Variants in ZIM2 observed in about 807,000 individuals in gnomAD.
The protein encoded by ZIM2 is zinc finger protein 656.
A neutral mutation model predicts 38.6 loss-of-function variants in ZIM2; 14 were observed. The observed-to-expected ratio is 0.36, with a 90% CI of 0.24 to 0.57. The LOEUF (loss-of-function observed/expected upper bound fraction) is 0.57, where lower values mean the gene tolerates loss of function less well. Ranked by LOEUF, ZIM2 falls within the 20% of genes least tolerant of loss-of-function variation. The pLI, the probability that ZIM2 is intolerant of heterozygous loss-of-function variation, is 0.81. For missense variants in ZIM2, 680 were observed against 695.1 expected (o/e 0.98, Z 0.24); for synonymous variants, 247 against 245.8 (o/e 1.00, Z -0.04).
intron 9 of ZIM2, among the ~76,000 whole-genome samples, chr19:56,792,323 G>C (rs1404369620): frequency 1.3e-5 from 2 of 151,650 alleles, no homozygotes; most frequent in Non-Finnish European, 2.9e-5. Context: ...ACAAGGTCAG[G>C]AGTTCGAGAC....
chr19:56,818,540 C>G, intron 8 of ZIM2, 60 bp downstream of exon 8: 1 of 1,578,964 alleles, frequency 6.3e-7, no homozygotes, highest in Non-Finnish European at 8.7e-7. Flanking sequence ...TAAAAAGGAG[C>G]AAGATGACAA....
intron 3 of ZIM2, 172 bp from the exon 4 acceptor site, chr19:56,824,599 A>T: frequency 6.2e-7 from 1 of 1,612,950 alleles, no homozygotes; most frequent in Non-Finnish European, 8.5e-7. Flanking sequence ...GCTCATACAG[A>T]TTTGGGGCCC....
intron 3 of ZIM2, chr19:56,824,781 G>A (rs1423343681): frequency 2.1e-6 from 2 of 930,244 alleles, no homozygotes; most frequent in Non-Finnish European, 3.2e-6. Flanking sequence ...CCCAGAAGTT[G>A]AAGACCAGGC....
chr19:56,810,530 ATTTTC>A, intron 9 of ZIM2: 1 of 982,976 alleles, frequency 1.0e-6, no homozygotes, highest in Non-Finnish European at 1.2e-6. Context: ...ATATGTGTGA[ATTTTC>A]TTTACTGAAT....
At chr19:56,778,262 A>C (rs1410536693) in intron 12 of ZIM2, among the ~76,000 whole-genome samples, 1 of 152,254 alleles carries the variant, frequency 6.6e-6, no homozygotes. Flanking sequence ...AGCCTGATAA[A>C]TATCTATGAG....
intron 10 of ZIM2, among the ~76,000 whole-genome samples, chr19:56,788,079 G>C (rs1349874079): frequency 2.7e-5 from 4 of 150,542 alleles, no homozygotes; most frequent in Non-Finnish European, 4.4e-5. Context: ...TTTTTTTGAA[G>C]GGTTTTTTTT....
At chr19:56,835,665 A>G (rs1230105872) in intron 2 of ZIM2, among the ~76,000 whole-genome samples, 2 of 152,208 alleles carry the variant, frequency 1.3e-5, no homozygotes, top group Non-Finnish European at 2.9e-5. Context: ...CCTTTCCCCC[A>G]TTGGGGCTAT....
chr19:56,838,765 C>T (rs2062533832), intron 1 of ZIM2, among the ~76,000 whole-genome samples: 1 of 152,190 alleles, frequency 6.6e-6, no homozygotes, highest in African/African-American at 2.4e-5. Context: ...AACAGCCTGG[C>T]GACCAGCACA....
chr19:56,790,105 A>C (rs750035384), intron 9 of ZIM2, 154 bp from the exon 10 acceptor site: 1 of 485,344 alleles, frequency 2.1e-6, no homozygotes, highest in African/African-American at 2.0e-5. Context: ...TCATTTCTCA[A>C]CTCAAAATAA....
chr19:56,779,616 A>G, intron 11 of ZIM2, 144 bp from the exon 12 acceptor site: 1 of 703,512 alleles, frequency 1.4e-6, no homozygotes, highest in Admixed American at 2.7e-5. Context: ...TTACCCCCTA[A>G]GGGACATCTA....
rs1222895922 is a variant in ZIM2, at chr19:56,816,584, T to G, written c.490+1162A>C. On this transcript the variant is annotated intron_variant, in intron 9 of 12. Coordinates refer to ENST00000629319, the MANE Select transcript of ZIM2 (RefSeq NM_001387356.1). ...TCGTACATTTTCTCTTTACCATACA[T>G]TTTCTGAAACTCATTAAGGGCTGGG... 4 of 1,613,916 alleles carry G rather than the reference T, an allele frequency of 2.5e-6. No homozygotes were observed. The African/African-American group carries it at 5.3e-5, about 22-fold the overall frequency.
intron 9 of ZIM2, among the ~76,000 whole-genome samples, chr19:56,794,396 AT>A (rs1369426148): frequency 6.6e-6 from 1 of 152,034 alleles, no homozygotes; most frequent in African/African-American, 2.4e-5. Flanking sequence ...TGGGGAAAAC[AT>A]TTTTTTCTTT....
intron 9 of ZIM2, chr19:56,798,358 G>A (rs1238849858): frequency 6.6e-6 from 1 of 152,098 alleles, no homozygotes; most frequent in South Asian, 2.1e-4. Context: ...ACAAGCAATG[G>A]GGAAAGGAGT....
intron 8 of ZIM2, 37 bp from the exon 9 acceptor site, chr19:56,817,875 T>C: frequency 6.5e-7 from 1 of 1,531,516 alleles, no homozygotes; most frequent in East Asian, 2.3e-5. Context: ...CAAATTCAAG[T>C]TGAGGACCAA....
chr19:56,790,010 C>T, intron 9 of ZIM2, 59 bp from the exon 10 acceptor site: 4 of 1,369,982 alleles, frequency 2.9e-6, no homozygotes, highest in Non-Finnish European at 3.9e-6. Flanking sequence ...CTGACAGACA[C>T]AGTGGCCAGC....
At chr19:56,806,401 T>C (rs2047758015) in intron 9 of ZIM2, among the ~76,000 whole-genome samples, 1 of 152,216 alleles carries the variant, frequency 6.6e-6, no homozygotes, top group African/African-American at 2.4e-5. Flanking sequence ...CCATTATTTC[T>C]ACATTCCAGC....
At chr19:56,815,125 A>AT (rs2059852892) in intron 9 of ZIM2, 1 of 1,613,778 alleles carries the variant, frequency 6.2e-7, no homozygotes, top group Non-Finnish European at 8.5e-7. Context: ...ACATTCATAG[A>AT]TTTTGTCATC....
intron 10 of ZIM2, among the ~76,000 whole-genome samples, chr19:56,783,011 C>A (rs1246538826): frequency 2.0e-5 from 3 of 151,958 alleles, no homozygotes; most frequent in Non-Finnish European, 4.4e-5. Flanking sequence ...CTCCCTCCAG[C>A]CCCCCAACTA....
chr19:56,807,160 A>C (rs2047797004), intron 9 of ZIM2, among the ~76,000 whole-genome samples: 1 of 152,200 alleles, frequency 6.6e-6, no homozygotes, highest in African/African-American at 2.4e-5. Flanking sequence ...AATTTTAAGA[A>C]GACCTTGCAT....
Sources: gnomAD v4.1 joint callset for allele counts (sites outside exome capture counted in the v4.1 genomes callset) on GRCh38, gnomAD v4.1.1 for gene constraint, MANE v1.5 for transcripts, NCBI Gene and HGNC (gene_info 2026-07-23, HGNC 2026-07-21) for gene names.